LPP: variants seen among roughly 807,000 people sequenced by gnomAD.
The protein encoded by LPP is lipoma-preferred partner.
LPP carries 38 observed loss-of-function variants against 60.4 expected under a neutral mutation model. That is an observed-to-expected ratio of 0.63 (90% CI 0.49 to 0.83). The LOEUF (loss-of-function observed/expected upper bound fraction) is 0.83, where lower values mean the gene tolerates loss of function less well. Ranked by LOEUF, LPP falls within the 40% of genes least tolerant of loss-of-function variation. The probability of loss-of-function intolerance (pLI) is 0.00; values close to 1 mark genes in which losing one functional copy is unlikely to be tolerated. For synonymous variants in LPP, 328 were observed against 290.8 expected (o/e 1.13, Z -1.30); for missense variants, 902 against 783.6 (o/e 1.15, Z -1.80).
intron 9 of LPP, among the ~76,000 whole-genome samples, chr3:188,766,022 C>G (rs1041638185): frequency 7.2e-5 from 11 of 151,808 alleles, no homozygotes; most frequent in Admixed American, 2.0e-4. Context: ...AGGCGCCCAC[C>G]ACCACGCCCG....
chr3:188,643,552 G>T (rs1010041354), intron 7 of LPP, among the ~76,000 whole-genome samples: 1 of 152,140 alleles, frequency 6.6e-6, no homozygotes. Flanking sequence ...AGTAGTTGTG[G>T]ATTCCTTCAA....
intron 1 of LPP, among the ~76,000 whole-genome samples, 190 bp downstream of exon 1, chr3:188,154,442 A>T (rs1168824146): frequency 6.6e-6 from 1 of 151,296 alleles, no homozygotes; most frequent in Non-Finnish European, 1.5e-5. Context: ...GGGGAGGGGG[A>T]CCCAGAGTTT....
At chr3:188,441,609 C>CTTTTTTTT (rs1004222826) in intron 4 of LPP, among the ~76,000 whole-genome samples, 39 of 55,644 alleles carry the variant, frequency 7.0e-4, no homozygotes, top group African/African-American at 9.0e-4. Flanking sequence ...CTTTTCTTTT[C>CTTTTTTTT]TTTTTTTTTT....
chr3:188,256,652 G>A (rs187732143), intron 2 of LPP, among the ~76,000 whole-genome samples: 95 of 152,090 alleles, frequency 6.2e-4, no homozygotes, highest in African/African-American at 2.1e-3. Flanking sequence ...CCCAAATTAC[G>A]TATAGCAACA....
intron 4 of LPP, among the ~76,000 whole-genome samples, chr3:188,467,541 A>C (rs988700940): frequency 9.9e-5 from 15 of 152,108 alleles, no homozygotes; most frequent in Non-Finnish European, 2.1e-4. Context: ...ATGTTAGGGT[A>C]CATGCCACAG....
Position 188,872,704 on chromosome 3 carries a change from G to C in LPP, c.1651G>C (p.Glu551Gln), listed in dbSNP as rs967769885. ...EPIMPAPGQE[E>Q]TVRIVALDRD... ...TATTATGCCAGCCCCGGGCCAGGAG[G>C]AGACTGTCCGTATTGTGGCTTTGGA... The change falls in exon 11 of 12, where the codon GAG becomes CAG. Residue 551 changes from glutamate to glutamine, a missense_variant. Glu to Gln is a conservative substitution (Grantham distance 29, BLOSUM62 2). Transcript: ENST00000617246. 3 of 1,614,056 alleles carry C rather than the reference G, an allele frequency of 1.9e-6. No individual in the cohort carries two copies. Among genetic ancestry groups the C allele is most frequent in the Admixed American group, 3.3e-5 (2 of 60,006 alleles).
At chr3:188,800,866 T>G (rs1457297235) in intron 9 of LPP, among the ~76,000 whole-genome samples, 1 of 152,180 alleles carries the variant, frequency 6.6e-6, no homozygotes, top group African/African-American at 2.4e-5. Context: ...GGTTTTTTGT[T>G]TTGTTTTGTT....
In LPP at chr3:188,878,759, T is replaced by TAA. The variant is rs11448997; in HGVS notation, c.*4295_*4296dup. ...ATATACTCACCAAAAAGTAAAAAAG[T>TAA]AAAAAAAAAAAAAAAAGAAAGAAAG... On this transcript the variant is annotated 3_prime_UTR_variant, in exon 12 of 12. Transcript: ENST00000617246. The TAA allele has an allele frequency of 0.011, 1,733 of 156,274 alleles. 14 individuals carry two copies. The highest frequency in any genetic ancestry group is 0.028 in the African/African-American group (977 of 34,926). The allele number at this position is 156,274 out of a possible 1,614,324, so 9.7% of individuals were successfully genotyped here.
Position 188,647,770 on chromosome 3 carries a change from T to C in LPP, c.1113+37926T>C, listed in dbSNP as rs572961069. On this transcript the variant is annotated intron_variant, in intron 7 of 11. Transcript: ENST00000617246. ...CACTGCCGGTCATTTCTGTAATGTA[T>C]CACAGCTGTCCTGACCTGATCCTTC... is the stretch of plus-strand genomic sequence containing the variant. Among the ~76,000 whole-genome samples the C allele has an allele frequency of 1.3e-4, 20 of 152,332 alleles. No individual in the cohort carries two copies. The South Asian group carries it at 3.9e-3, about 30-fold the overall frequency.
At chr3:188,673,212 A>G (rs558795799) in intron 7 of LPP, among the ~76,000 whole-genome samples, 1 of 152,254 alleles carries the variant, frequency 6.6e-6, no homozygotes, top group East Asian at 1.9e-4. Flanking sequence ...GCAGATTCAT[A>G]ATAGAGAAGT....
At chr3:188,834,890 G>A in intron 9 of LPP, among the ~76,000 whole-genome samples, 1 of 152,148 alleles carries the variant, frequency 6.6e-6, no homozygotes, top group East Asian at 1.9e-4. Flanking sequence ...AGATGAATGA[G>A]TTTTACAGTT....
At chr3:188,825,273 G>C (rs55952206) in intron 9 of LPP, among the ~76,000 whole-genome samples, 4,287 of 60,514 alleles carry the variant, frequency 0.071, 57 homozygotes, top group South Asian at 0.11. Flanking sequence ...CTCTCTCTGT[G>C]TGTGTGTGTG....
rs1198622707 is a variant in LPP, at chr3:188,832,137, GCTTCTAATCAAT to G, written c.1411-34062_1411-34051del. The stretch of plus-strand genomic sequence containing the variant: ...TTGAGTGCAGGTGAATCTGTAACTT[GCTTCTAATCAAT>G]AGAAGAAGGCAAAGGTGTTGGGGTG... On this transcript the variant is annotated intron_variant, in intron 9 of 11. Coordinates refer to ENST00000617246, the MANE Select transcript of LPP (RefSeq NM_001375462.1). 2.0e-5 allele frequency among the ~76,000 whole-genome samples: 3 copies of G among 152,160 alleles called. No individual in the cohort carries two copies. In the East Asian group the frequency reaches 5.8e-4, roughly 29 times the overall value.
chr3:188,297,105 G>A (rs1010856175), intron 2 of LPP, among the ~76,000 whole-genome samples: 3 of 152,148 alleles, frequency 2.0e-5, no homozygotes, highest in African/African-American at 7.2e-5. Context: ...AAAAACCAGG[G>A]GCAGTTTCCT....
At chr3:188,395,218 A>G (rs776376363) in intron 3 of LPP, among the ~76,000 whole-genome samples, 1 of 152,186 alleles carries the variant, frequency 6.6e-6, no homozygotes, top group Non-Finnish European at 1.5e-5. Context: ...AATAAAGTTG[A>G]TTTTTAAAAA....
At chr3:188,488,034 T>C (rs930669574) in intron 5 of LPP, among the ~76,000 whole-genome samples, 1 of 151,536 alleles carries the variant, frequency 6.6e-6, no homozygotes, top group Non-Finnish European at 1.5e-5. Context: ...TTTTTTTTTT[T>C]TTGGAAATGG....
At chr3:188,198,767 C>T (rs1387886258) in intron 1 of LPP, among the ~76,000 whole-genome samples, 1 of 152,164 alleles carries the variant, frequency 6.6e-6, no homozygotes, top group African/African-American at 2.4e-5. Flanking sequence ...TTCTGCCCAC[C>T]ACTGACAACC....
chr3:188,598,529 G>A (rs891238816), intron 6 of LPP, among the ~76,000 whole-genome samples: 1 of 152,050 alleles, frequency 6.6e-6, no homozygotes. Flanking sequence ...TTGTGATCAC[G>A]TTTATAACAT....
chr3:188,494,313 C>T (rs1427513200), intron 5 of LPP, among the ~76,000 whole-genome samples: 2 of 152,062 alleles, frequency 1.3e-5, no homozygotes, highest in African/African-American at 4.8e-5. Flanking sequence ...CTGTGGCCAG[C>T]GCTTATGTAT....
Sources: allele counts gnomAD v4.1 joint callset (sites outside exome capture counted in the v4.1 genomes callset), GRCh38; gene constraint gnomAD v4.1.1; transcripts MANE v1.5; gene names NCBI Gene and HGNC (gene_info 2026-07-23, HGNC 2026-07-21).